Variants in PREP observed in about 807,000 individuals in gnomAD.
The protein encoded by PREP is dJ355L5.1 (prolyl endopeptidase).
A neutral mutation model predicts 87.6 loss-of-function variants in PREP; 29 were observed. That is an observed-to-expected ratio of 0.33 (90% CI 0.25 to 0.45). The LOEUF (loss-of-function observed/expected upper bound fraction) is 0.45, where lower values mean the gene tolerates loss of function less well. Ranked by LOEUF, PREP falls within the 20% of genes least tolerant of loss-of-function variation. The pLI is 1.00. For missense variants in PREP, 695 were observed against 886.5 expected, an observed-to-expected ratio of 0.78 and a Z score of 2.74; for synonymous variants, 337 against 328.6, an observed-to-expected ratio of 1.03 and a Z score of -0.28.
In PREP at chr6:105,397,858, T is replaced by C. The variant is rs1773324487; in HGVS notation, c.115A>G (p.Thr39Ala). The C allele has an allele frequency of 6.2e-7, 1 of 1,605,090 alleles. No homozygotes were observed. The highest frequency in any genetic ancestry group is 8.5e-7 in the Non-Finnish European group (1 of 1,171,892). Residue 39 changes from threonine to alanine, a missense_variant, in exon 2 of 15, where the codon ACT becomes GCT. Thr to Ala is a moderately conservative substitution (Grantham distance 58). Coordinates refer to ENST00000652536, the MANE Select transcript of PREP (RefSeq NM_002726.5). Reference sequence around the variant, plus strand: ...TTAATTAGAAACCAAATTACCTTAGTCTGTTCACTGTCGGGGTCTTCAAGC... The same window carrying C: ...TTAATTAGAAACCAAATTACCTTAGCCTGTTCACTGTCGGGGTCTTCAAGC... ...AWLEDPDSEQ[T>A]KAFVEAQNKI... is the part of the protein sequence containing the mutation.
At chr6:105,391,034 T>C (rs1030040730) in intron 2 of PREP, among the ~76,000 whole-genome samples, 19 of 141,388 alleles carry the variant, frequency 1.3e-4, no homozygotes, top group East Asian at 6.1e-4. Context: ...TCTGGTTTTA[T>C]ACACACACAC....
intron 6 of PREP, among the ~76,000 whole-genome samples, chr6:105,367,671 CAAAA>C (rs112161765): frequency 2.5e-5 from 2 of 80,486 alleles, no homozygotes. Context: ...GACTCCGTCT[CAAAA>C]AAAAAAAAAA....
chr6:105,304,100 G>T lies in PREP; in HGVS notation c.1318-15206C>A, dbSNP rs559066573. 2.0e-5 allele frequency among the ~76,000 whole-genome samples: 3 copies of T among 152,160 alleles called. No individual in the cohort carries two copies. The East Asian group carries it at 5.8e-4, about 29-fold the overall frequency. On this transcript the variant is annotated intron_variant, in intron 10 of 14. Coordinates refer to ENST00000652536, the MANE Select transcript of PREP (RefSeq NM_002726.5). The stretch of plus-strand genomic sequence containing the variant: ...ACATCTGCAGAGTCAACCAATTGTG[G>T]ATTGAAAAATTTTTTTTAAACCCAA...
chr6:105,321,088 T>TTAAA (rs1325917208), intron 10 of PREP, among the ~76,000 whole-genome samples: 1 of 152,224 alleles, frequency 6.6e-6, no homozygotes, highest in Admixed American at 6.5e-5. Context: ...AGGCACCTTT[T>TTAAA]ACACAACGAA....
At chr6:105,358,022 CTAA>C (rs1034952801) in intron 6 of PREP, among the ~76,000 whole-genome samples, 2 of 150,822 alleles carry the variant, frequency 1.3e-5, no homozygotes, top group African/African-American at 4.9e-5. Context: ...TTTGCAAAAA[CTAA>C]TAATATTAGC....
intron 2 of PREP, among the ~76,000 whole-genome samples, chr6:105,388,871 G>T (rs1193746663): frequency 6.6e-6 from 1 of 152,160 alleles, no homozygotes; most frequent in Non-Finnish European, 1.5e-5. Flanking sequence ...GGTTCACAAG[G>T]TATCAATTTA....
intron 8 of PREP, 48 bp from the exon 9 acceptor site, chr6:105,329,074 T>C (rs767463589): frequency 1.3e-6 from 2 of 1,516,662 alleles, no homozygotes; most frequent in South Asian, 1.1e-5. Context: ...AAAAAATTAA[T>C]GAAAACACAT....
In PREP at chr6:105,334,891, A is replaced by G. The variant is rs557618400; in HGVS notation, c.824-1386T>C. 1.4e-4 allele frequency among the ~76,000 whole-genome samples: 22 copies of G among 152,168 alleles called. No individual in the cohort carries two copies. The South Asian group carries it at 2.1e-3, about 14-fold the overall frequency. ...CAGGACTACACGTACACAACCTAGC[A>G]CCCAGCTCTTTCTTAAGATACAATT... On this transcript the variant is annotated intron_variant, in intron 7 of 14. Transcript: ENST00000652536.
chr6:105,296,916 T>C (rs1770423867), intron 10 of PREP, among the ~76,000 whole-genome samples: 3 of 152,336 alleles, frequency 2.0e-5, no homozygotes, highest in East Asian at 3.9e-4. Flanking sequence ...AGGACCTCCA[T>C]GTCCACATCT....
intron 2 of PREP, among the ~76,000 whole-genome samples, chr6:105,396,338 G>A (rs538414216): frequency 1.2e-4 from 18 of 152,346 alleles, no homozygotes; most frequent in South Asian, 4.1e-4. Context: ...GGGCAAAGGA[G>A]AGACACTACT....
chr6:105,325,631 AT>A (rs775454686), intron 9 of PREP, among the ~76,000 whole-genome samples: 3 of 152,118 alleles, frequency 2.0e-5, no homozygotes, highest in Non-Finnish European at 4.4e-5. Flanking sequence ...CACTTAATAT[AT>A]TTTATCGATA....
At chr6:105,390,709 T>C (rs1418432536) in intron 2 of PREP, among the ~76,000 whole-genome samples, 2 of 152,210 alleles carry the variant, frequency 1.3e-5, no homozygotes, top group Non-Finnish European at 2.9e-5. Flanking sequence ...ACAAGAATAT[T>C]ACTTCTACTT....
At chr6:105,281,927 A>AGGGAGGCAGTCTATCATTAAACATCT in intron 13 of PREP, 25 bp from the exon 14 acceptor site, 2 of 1,609,500 alleles carry the variant, frequency 1.2e-6, no homozygotes, top group Admixed American at 3.4e-5. Flanking sequence ...TAGAAAGAAA[A>AGGGAGGCAGTCTATCATTAAACATCT]GGGAGGCAGT....
rs200621407 is a variant in PREP at position 105,285,447 on chromosome 6, T to C, written c.1549+39A>G. The C allele has an allele frequency of 4.5e-6, 7 of 1,565,306 alleles. No homozygotes were observed. The East Asian group carries it at 1.6e-4, about 35-fold the overall frequency. On this transcript the variant is annotated intron_variant, in intron 12 of 14. Transcript: ENST00000652536. ...AGGATCAGCACAACCTTAGCTTTGA[T>C]TATGTCAGACTTGTGTTTCTGTAGA... is the stretch of plus-strand genomic sequence containing the variant.
chr6:105,362,711 G>A (rs1772286072), intron 6 of PREP, among the ~76,000 whole-genome samples: 1 of 152,170 alleles, frequency 6.6e-6, no homozygotes, highest in African/African-American at 2.4e-5. Flanking sequence ...TATCAGCACG[G>A]TGAATATTAT....
chr6:105,342,427 TACTG>T (rs1454852788), intron 7 of PREP, among the ~76,000 whole-genome samples: 6 of 152,192 alleles, frequency 3.9e-5, no homozygotes, highest in Non-Finnish European at 8.8e-5. Flanking sequence ...ACCAATATCA[TACTG>T]AATGGGCAAA....
intron 6 of PREP, among the ~76,000 whole-genome samples, chr6:105,365,216 C>A (rs546069017): frequency 6.6e-6 from 1 of 152,204 alleles, no homozygotes; most frequent in African/African-American, 2.4e-5. Context: ...CACGGCACTC[C>A]GCCCTGGGTG....
At chr6:105,332,426 T>C (rs1473278136) in intron 8 of PREP, among the ~76,000 whole-genome samples, 3 of 152,190 alleles carry the variant, frequency 2.0e-5, no homozygotes, top group Non-Finnish European at 4.4e-5. Flanking sequence ...GACCTGTGCT[T>C]TAATTCACGG....
At chr6:105,320,395 G>C (rs772920567) in intron 10 of PREP, among the ~76,000 whole-genome samples, 13 of 152,166 alleles carry the variant, frequency 8.5e-5, no homozygotes, top group Non-Finnish European at 1.5e-4. Context: ...GCTCTGTTTT[G>C]TGTCTGTCTG....
Sources: allele counts gnomAD v4.1 joint callset (sites outside exome capture counted in the v4.1 genomes callset), GRCh38; gene constraint gnomAD v4.1.1; transcripts MANE v1.5; gene names NCBI Gene and HGNC (gene_info 2026-07-23, HGNC 2026-07-21).